AURKA: variants seen among roughly 807,000 people sequenced by gnomAD.
The protein encoded by AURKA is aurora kinase A, also known as aurora 2.
In AURKA, 12 loss-of-function variants were observed where a neutral mutation model predicts 40.9. The observed-to-expected ratio is 0.29, with a 90% CI of 0.19 to 0.48. The LOEUF (loss-of-function observed/expected upper bound fraction) is 0.48. AURKA is among the 20% of genes least tolerant of loss of function. AURKA has a pLI of 0.99. For missense variants in AURKA, 322 were observed against 462.1 expected, an observed-to-expected ratio of 0.70 and a Z score of 2.78; for synonymous variants, 170 against 164.3, an observed-to-expected ratio of 1.03 and a Z score of -0.26.
chr20:56,373,694 T>C lies in AURKA; in HGVS notation c.706-138A>G. ...GGCCAGGCACAGTGGCTCACACCTA[T>C]AATCCCAACACTTTGGGGGACTGAG... On this transcript the variant is annotated intron_variant, in intron 6 of 8. Transcript: ENST00000395915. This position sits in a 1 kb window ranked among gnomAD's most constrained non-coding sequence, Gnocchi z 5.0. 2 of 963,832 alleles carry C rather than the reference T, an allele frequency of 2.1e-6. No individual in the cohort carries two copies. Among genetic ancestry groups the C allele is most frequent in the Non-Finnish European group, 3.1e-6 (2 of 636,390 alleles). The allele number at this position is 963,832 out of a possible 1,614,324, so 59.7% of individuals were successfully genotyped here.
rs1254787891 is a variant in AURKA, at chr20:56,369,663, A to C, written c.*495T>G. ...GGAATGCCACCAGAGAAAAAATACAAGTCTGTACATATATCTTTATTTTCA... is the reference window on the plus strand; with the variant it reads ...GGAATGCCACCAGAGAAAAAATACACGTCTGTACATATATCTTTATTTTCA... On this transcript the variant is annotated 3_prime_UTR_variant, in exon 9 of 9. Transcript: ENST00000395915. The C allele has an allele frequency of 6.5e-6, 2 of 308,802 alleles. No homozygotes were observed. The highest frequency in any genetic ancestry group is 1.2e-5 in the Non-Finnish European group (2 of 163,390). 19.1% of individuals were successfully genotyped at this position (308,802 alleles called of 1,614,324 possible).
At chr20:56,390,268 C>T (rs1986903327) in intron 1 of AURKA, among the ~76,000 whole-genome samples, 2 of 152,058 alleles carry the variant, frequency 1.3e-5, no homozygotes, top group Non-Finnish European at 2.9e-5. Flanking sequence ...TTACGCTTTT[C>T]CCCCAGGTGT....
At chr20:56,371,477 T>C (rs955144361) in intron 7 of AURKA, among the ~76,000 whole-genome samples, 2 of 132,558 alleles carry the variant, frequency 1.5e-5, no homozygotes, top group African/African-American at 2.8e-5. Flanking sequence ...AAAAAAAAAT[T>C]TTCTTAACCT....
chr20:56,388,402 G>A (rs1385512017), intron 1 of AURKA, 200 bp from the exon 2 acceptor site: 20 of 610,062 alleles, frequency 3.3e-5, no homozygotes, highest in East Asian at 1.7e-4. Flanking sequence ...TGGGCACTGC[G>A]TCCCATCCTC....
chr20:56,374,636 A>G (rs1984686990), intron 6 of AURKA, among the ~76,000 whole-genome samples: 1 of 151,892 alleles, frequency 6.6e-6, no homozygotes, highest in Non-Finnish European at 1.5e-5. Flanking sequence ...GGGTCTCACT[A>G]TGTTGACCAG....
intron 1 of AURKA, among the ~76,000 whole-genome samples, chr20:56,389,772 T>G (rs1204858294): frequency 6.6e-6 from 1 of 152,202 alleles, no homozygotes; most frequent in Non-Finnish European, 1.5e-5. Context: ...TCCTGTCAGT[T>G]GCTCAGGCCA....
Position 56,383,142 on chromosome 20 carries a change from G to A in AURKA, c.409C>T (p.Arg137Cys), listed in dbSNP as rs756121188. Residue 137 changes from arginine to cysteine, a missense_variant, in exon 5 of 9, where the codon CGC (arginine) becomes TGC (cysteine). Coordinates refer to ENST00000395915, the MANE Select transcript of AURKA (RefSeq NM_198437.3). ...QWALEDFEIGRPLGKGKFGNV... is the reference protein window; with the variant it reads ...QWALEDFEIGCPLGKGKFGNV... ...CCAAACTTTCCTTTACCCAGAGGGC[G>A]ACCAATTTCAAAGTCTTCCAAAGCC... 17 of 1,614,158 alleles carry A rather than the reference G, an allele frequency of 1.1e-5. No homozygotes were observed. The highest frequency in any genetic ancestry group is 2.2e-5 in the South Asian group (2 of 91,074).
chr20:56,373,391 C>T lies in AURKA; in HGVS notation c.854+17G>A, dbSNP rs779476689. Reference sequence around the variant, plus strand: ...GCTTTGGTAAACCAAACAACTTCCACCTCTAAAGTTACATACCTGGAAGAT... The same window carrying T: ...GCTTTGGTAAACCAAACAACTTCCATCTCTAAAGTTACATACCTGGAAGAT... On this transcript the variant is annotated intron_variant, in intron 7 of 8. Transcript: ENST00000395915. The surrounding 1 kb of genome is among the most constrained non-coding windows in gnomAD (Gnocchi z 5.0). 1 of 1,612,832 alleles carries T rather than the reference C, an allele frequency of 6.2e-7. No homozygotes were observed. The highest frequency in any genetic ancestry group is 1.1e-5 in the South Asian group (1 of 91,016).
rs2033853017 is a variant in AURKA, at chr20:56,370,222, A to G, written c.1148T>C (p.Ile383Thr). Residue 383 changes from isoleucine (I) to threonine (T), a missense_variant, in exon 9 of 9, where the codon ATC becomes ACC. Transcript: ENST00000395915. ...MLREVLEHPW[I>T]TANSSKPSNC... ...TGATGGTTTTGATGAATTTGCTGTG[A>G]TCCAGGGGTGTTCAAGTACTTCTCT... 6.2e-7 allele frequency: 1 copy of G among 1,613,920 alleles called. No homozygotes were observed.
chr20:56,376,126 T>A (rs1984889995), intron 6 of AURKA, among the ~76,000 whole-genome samples: 1 of 152,138 alleles, frequency 6.6e-6, no homozygotes, highest in African/African-American at 2.4e-5. Context: ...TCTTTTAAAG[T>A]AGGATATCAA....
At chr20:56,391,249 G>A (rs1349034656) in intron 1 of AURKA, among the ~76,000 whole-genome samples, 1 of 152,234 alleles carries the variant, frequency 6.6e-6, no homozygotes, top group African/African-American at 2.4e-5. Flanking sequence ...GAACTGAGTA[G>A]GTTGCTGAAA....
rs533594365 is a variant in AURKA at position 56,378,953 on chromosome 20, A to G, written c.705+2480T>C. 3.3e-5 allele frequency among the ~76,000 whole-genome samples: 5 copies of G among 152,318 alleles called. No individual in the cohort carries two copies. The East Asian group carries it at 9.6e-4, about 29-fold the overall frequency. ...CAGCGAAACTATTCTCTATATCATA[A>G]TGGTGGATACATGGCATTGTGTATT... On this transcript the variant is annotated intron_variant, in intron 6 of 8. Transcript: ENST00000395915.
intron 1 of AURKA, chr20:56,390,668 G>A (rs1986983027): frequency 7.9e-6 from 1 of 126,700 alleles, no homozygotes; most frequent in Admixed American, 7.5e-5. Flanking sequence ...GTGAGACCCT[G>A]TCTCAAAAAA....
In AURKA at chr20:56,370,349, C is replaced by A. The variant is rs773419449; in HGVS notation, c.1030-9G>T. 1.2e-6 allele frequency: 2 copies of A among 1,614,116 alleles called. No homozygotes were observed. Among genetic ancestry groups the A allele is most frequent in the Non-Finnish European group, 1.7e-6 (2 of 1,180,016 alleles). ...GGGAATGTGAATTCAACCTGGAGTA[C>A]AACAAATGATAAAATATCACAAAAC... is the stretch of plus-strand genomic sequence containing the variant. On this transcript the variant is annotated splice_polypyrimidine_tract_variant and intron_variant, in intron 8 of 8. Coordinates refer to ENST00000395915, the MANE Select transcript of AURKA (RefSeq NM_198437.3).
chr20:56,373,427 C>T lies in AURKA; in HGVS notation c.835G>A (p.Val279Ile), dbSNP rs1984531152. The stretch of plus-strand genomic sequence containing the variant: ...ACATACCTGGAAGATGGAGCATGTA[C>T]TGACCACCCAAAATCTGCAATTTTA... ...ELKIADFGWSVHAPSSRRTTL... is the reference protein window; with the variant it reads ...ELKIADFGWSIHAPSSRRTTL... Residue 279 changes from valine (V) to isoleucine (I), a missense_variant, in exon 7 of 9, where the codon GTA becomes ATA. Physicochemically the swap from Val to Ile is conservative, Grantham distance 29. Coordinates refer to ENST00000395915, the MANE Select transcript of AURKA (RefSeq NM_198437.3). The surrounding 1 kb of genome is among the most constrained non-coding windows in gnomAD (Gnocchi z 5.0). The T allele has an allele frequency of 6.2e-7, 1 of 1,613,836 alleles. No individual in the cohort carries two copies. The highest frequency in any genetic ancestry group is 2.2e-5 in the East Asian group (1 of 44,878).
Position 56,373,321 on chromosome 20 carries a change from T to G in AURKA, c.854+87A>C. On this transcript the variant is annotated intron_variant, in intron 7 of 8. Coordinates refer to ENST00000395915, the MANE Select transcript of AURKA (RefSeq NM_198437.3). The surrounding 1 kb of genome is among the most constrained non-coding windows in gnomAD (Gnocchi z 5.0). ...CACCTACCCCTCTTACAGCACAAAA[T>G]CTACACTGAAATATTTTACATTTAG... is the stretch of plus-strand genomic sequence containing the variant. 1 of 1,599,998 alleles carries G rather than the reference T, an allele frequency of 6.3e-7. No homozygotes were observed. The highest frequency in any genetic ancestry group is 8.6e-7 in the Non-Finnish European group (1 of 1,169,304).
intron 6 of AURKA, among the ~76,000 whole-genome samples, chr20:56,374,503 CAT>C (rs1344377252): frequency 6.6e-6 from 1 of 152,106 alleles, no homozygotes; most frequent in Non-Finnish European, 1.5e-5. Context: ...GTTGCACTGA[CAT>C]ATTAAATAGC....
rs12626079 is a variant in AURKA at position 56,383,198 on chromosome 20, T to C, written c.375-22A>G. 6 of 1,613,154 alleles carry C rather than the reference T, an allele frequency of 3.7e-6. No homozygotes were observed. The East Asian group carries it at 8.9e-5, about 24-fold the overall frequency. Reference sequence around the variant, plus strand: ...CCTCCTAGGAGGAATTTGAACACTTTAGAATGTGAAGAAAACAAAGCTTTT... The same window carrying C: ...CCTCCTAGGAGGAATTTGAACACTTCAGAATGTGAAGAAAACAAAGCTTTT... On this transcript the variant is annotated intron_variant, in intron 4 of 8. Coordinates refer to ENST00000395915, the MANE Select transcript of AURKA (RefSeq NM_198437.3).
Position 56,373,333 on chromosome 20 carries a change from T to C in AURKA, c.854+75A>G. On this transcript the variant is annotated intron_variant, in intron 7 of 8. Transcript: ENST00000395915. This position sits in a 1 kb window ranked among gnomAD's most constrained non-coding sequence, Gnocchi z 5.0. ...TTACAGCACAAAATCTACACTGAAA[T>C]ATTTTACATTTAGCTCACGGTTAGC... 1.2e-6 allele frequency: 2 copies of C among 1,605,974 alleles called. No homozygotes were observed. The highest frequency in any genetic ancestry group is 1.7e-6 in the Non-Finnish European group (2 of 1,174,416).
Sources: gnomAD v4.1 joint callset for allele counts (sites outside exome capture counted in the v4.1 genomes callset) on GRCh38, gnomAD v4.1.1 for gene constraint, Gnocchi (gnomAD v3.1) non-coding constraint, MANE v1.5 for transcripts, NCBI Gene and HGNC (gene_info 2026-07-23, HGNC 2026-07-21) for gene names.